YJU2: variants seen among roughly 807,000 people sequenced by gnomAD.
The protein encoded by YJU2 is YJU2 splicing factor homolog, also known as splicing factor YJU2.
A neutral mutation model predicts 39.6 loss-of-function variants in YJU2; 28 were observed. The observed-to-expected ratio is 0.71, with a 90% CI of 0.52 to 0.97. The LOEUF (loss-of-function observed/expected upper bound fraction) is 0.97. Among genes scored for constraint, YJU2 ranks in the 50% least tolerant of loss-of-function variants. The pLI is 0.00. For missense variants in YJU2, 328 were observed against 430.4 expected (o/e 0.76, Z 2.11); for synonymous variants, 184 against 182.4 (o/e 1.01, Z -0.07).
At chr19:4,252,403 C>A (rs1599496867) in intron 3 of YJU2, among the ~76,000 whole-genome samples, 1 of 151,034 alleles carries the variant, frequency 6.6e-6, no homozygotes, top group East Asian at 2.0e-4. Context: ...TCGAGACCAT[C>A]CTGGCTAACA....
At position 4,258,435 on chromosome 19, in the gene YJU2, C is replaced by T. The variant is rs1276463794; in HGVS notation, c.587+12C>T. 1.9e-6 allele frequency: 3 copies of T among 1,569,246 alleles called. No homozygotes were observed. The highest frequency in any genetic ancestry group is 1.9e-5 in the Admixed American group (1 of 52,614). On this transcript the variant is annotated intron_variant, in intron 5 of 7. Transcript: ENST00000262962. ...GAGCAGGAGACCGCGTGAGTCAGGGCCGGCCCAACCCAGCCCCACCTCGCA... is the reference window on the plus strand; with the variant it reads ...GAGCAGGAGACCGCGTGAGTCAGGGTCGGCCCAACCCAGCCCCACCTCGCA...
intron 4 of YJU2, 21 bp from the exon 5 acceptor site, chr19:4,258,221 C>T: frequency 6.5e-7 from 1 of 1,549,680 alleles, no homozygotes; most frequent in Non-Finnish European, 8.7e-7. Flanking sequence ...GCACTCAGCC[C>T]CGCCGCCCCG....
intron 7 of YJU2, among the ~76,000 whole-genome samples, 169 bp downstream of exon 7, chr19:4,267,943 CTTTT>C (rs1292961124): frequency 6.7e-6 from 1 of 148,680 alleles, no homozygotes; most frequent in East Asian, 1.9e-4. Flanking sequence ...TTCTTTTTTT[CTTTT>C]TTCTTTTTTC....
intron 1 of YJU2, among the ~76,000 whole-genome samples, chr19:4,247,572 TGGGGTGGCGC>T (rs1318644598): frequency 1.5e-4 from 2 of 13,760 alleles, no homozygotes; most frequent in African/African-American, 9.3e-4. Context: ...TGGGGTGGGG[TGGGGTGGCGC>T]GTGTGTGTGT....
chr19:4,250,683 G>A (rs551216037), intron 2 of YJU2, among the ~76,000 whole-genome samples: 90 of 152,094 alleles, frequency 5.9e-4, no homozygotes, highest in African/African-American at 2.1e-3. Context: ...GAAGAGGGGG[G>A]TGGGGCAGCA....
intron 2 of YJU2, 88 bp from the exon 3 acceptor site, chr19:4,250,939 C>G: frequency 6.9e-7 from 1 of 1,450,894 alleles, no homozygotes; most frequent in Non-Finnish European, 9.5e-7. Flanking sequence ...GGCAAGCAAG[C>G]AGTGATCTTG....
chr19:4,249,708 C>CTT (rs111734725), intron 2 of YJU2, among the ~76,000 whole-genome samples: 5 of 143,248 alleles, frequency 3.5e-5, no homozygotes, highest in African/African-American at 1.0e-4. Flanking sequence ...TTCTTTCTTT[C>CTT]TTTTTTTTTT....
chr19:4,258,829 G>A (rs1434609019), intron 5 of YJU2, among the ~76,000 whole-genome samples: 1 of 152,144 alleles, frequency 6.6e-6, no homozygotes, highest in Non-Finnish European at 1.5e-5. Context: ...CCAGCGTGGG[G>A]TTCCTATGGG....
chr19:4,247,330 G>T (rs1047604677), intron 1 of YJU2, 160 bp downstream of exon 1: 11 of 609,972 alleles, frequency 1.8e-5, no homozygotes, highest in African/African-American at 1.5e-4. Flanking sequence ...CCTCCCCATC[G>T]CCTTCCGTCG....
intron 6 of YJU2, among the ~76,000 whole-genome samples, chr19:4,266,373 G>C (rs1971115377): frequency 6.6e-6 from 1 of 152,076 alleles, no homozygotes; most frequent in East Asian, 1.9e-4. Context: ...GGCACTTCCT[G>C]AATCACACTG....
chr19:4,262,087 G>T lies in YJU2; in HGVS notation c.681G>T (p.Arg227=). ...CCTCGCCCCTGCAGCCAGCCCTTCG[G>T]CCCAACCCCACCGCCATCCTGGATG... The part of the protein sequence containing the change: ...AAPSPLQPAL[R]PNPTAILDEA... The change falls in exon 6 of 8, where the codon CGG becomes CGT. Residue 227 remains arginine (R), a synonymous_variant. Coordinates refer to ENST00000262962, the MANE Select transcript of YJU2 (RefSeq NM_018074.6). 2 of 1,611,346 alleles carry T rather than the reference G, an allele frequency of 1.2e-6. No individual in the cohort carries two copies. Among genetic ancestry groups the T allele is most frequent in the South Asian group, 1.1e-5 (1 of 91,072 alleles).
intron 5 of YJU2, among the ~76,000 whole-genome samples, chr19:4,259,357 G>C (rs1599500479): frequency 6.6e-6 from 1 of 151,872 alleles, no homozygotes; most frequent in East Asian, 1.9e-4. Flanking sequence ...GGGATTGCAG[G>C]CGTGAGCCAC....
chr19:4,254,318 G>A, intron 3 of YJU2, 37 bp from the exon 4 acceptor site: 1 of 1,504,022 alleles, frequency 6.6e-7, no homozygotes, highest in Non-Finnish European at 9.2e-7. Flanking sequence ...TAGTGCCTGG[G>A]GATGTAGGAG....
chr19:4,268,638 C>T lies in YJU2; in HGVS notation c.914C>T (p.Ser305Phe). The T allele has an allele frequency of 6.2e-7, 1 of 1,613,958 alleles. No homozygotes were observed. Among genetic ancestry groups the T allele is most frequent in the Non-Finnish European group, 8.5e-7 (1 of 1,179,950 alleles). ...CCTACACCCCTGACGCCTGGCGCGT[C>T]CTCCCTGAGCCAACTGGGTGCATAC... Reference protein sequence around the residue: ...ANPTPLTPGASSLSQLGAYLD... With the variant: ...ANPTPLTPGAFSLSQLGAYLD... Residue 305 changes from serine to phenylalanine, a missense_variant, in exon 8 of 8, where the codon TCC becomes TTC. Ser to Phe is a radical substitution (Grantham distance 155). Around this residue, in one of 2 missense-constraint regions of YJU2, gnomAD observed 244 missense variants for 264.6 expected, o/e 0.92. Transcript: ENST00000262962.
rs142898734 is a variant in YJU2, at chr19:4,252,559, G to A, written c.270+1388G>A. Among the ~76,000 whole-genome samples, 1,020 of 152,104 alleles carry A rather than the reference G, an allele frequency of 6.7e-3. 16 individuals carry two copies. Among genetic ancestry groups the A allele is most frequent in the African/African-American group, 0.023 (958 of 41,504 alleles). ...GCGGAGCTTGCAGTGAGCTGAGATC[G>A]CGCCACTGCACTCCAGCCTGGGCGA... On this transcript the variant is annotated intron_variant, in intron 3 of 7. Transcript: ENST00000262962.
At chr19:4,256,178 AAAAATAT>A (rs1309726091) in intron 4 of YJU2, among the ~76,000 whole-genome samples, 10 of 97,104 alleles carry the variant, frequency 1.0e-4, no homozygotes, top group African/African-American at 5.0e-4. Flanking sequence ...GCAAAAAAAA[AAAAATAT>A]ATATATATAT....
Position 4,269,041 on chromosome 19 carries a change from C to G in YJU2, c.*345C>G. ...CCTGCCGGCCTCTAGATGGCCTCATCTCTTCCTTCCACAAACTGTCTAGAA... is the reference window on the plus strand; with the variant it reads ...CCTGCCGGCCTCTAGATGGCCTCATGTCTTCCTTCCACAAACTGTCTAGAA... On this transcript the variant is annotated 3_prime_UTR_variant, in exon 8 of 8. Transcript: ENST00000262962. 1 of 287,664 alleles carries G rather than the reference C, an allele frequency of 3.5e-6. No individual in the cohort carries two copies. The highest frequency in any genetic ancestry group is 6.7e-6 in the Non-Finnish European group (1 of 149,230). The allele number at this position is 287,664 out of a possible 1,614,324, so 17.8% of individuals were successfully genotyped here. A position where few individuals can be genotyped will look rare whatever the true frequency, so the allele number is the denominator to read the frequency against.
rs1377043488 is a variant in YJU2, at chr19:4,267,719, G to A, written c.804G>A (p.Lys268=). Residue 268 remains lysine, a synonymous_variant, in exon 7 of 8, where the codon AAG becomes AAA. Transcript: ENST00000262962. ...TGTCGAGGCTGGTCGTGGTGAAGAA[G>A]GCAAAGGCCGACCCGGACTGCAGCA... ...PPLSRLVVVK[K]AKADPDCSNG... is the part of the protein sequence containing the mutation. The A allele has an allele frequency of 1.2e-6, 2 of 1,613,266 alleles. No individual in the cohort carries two copies. Among genetic ancestry groups the A allele is most frequent in the Non-Finnish European group, 1.7e-6 (2 of 1,179,912 alleles).
chr19:4,257,855 G>A (rs971624244), intron 4 of YJU2, among the ~76,000 whole-genome samples: 6 of 152,180 alleles, frequency 3.9e-5, no homozygotes, highest in African/African-American at 7.2e-5. Context: ...CGCCCGCTCC[G>A]GCCTCCCAAA....
Sources: gnomAD v4.1 joint callset for allele counts (sites outside exome capture counted in the v4.1 genomes callset) on GRCh38, gnomAD v4.1.1 for gene constraint, gnomAD v4.1.1 regional missense constraint, MANE v1.5 for transcripts, NCBI Gene and HGNC (gene_info 2026-07-23, HGNC 2026-07-21) for gene names.